CCL28: variants seen among roughly 807,000 people sequenced by gnomAD.
The protein encoded by CCL28 is C-C motif chemokine ligand 28.
CCL28 carries 4 observed loss-of-function variants against 7.1 expected under a neutral mutation model. That is an observed-to-expected ratio of 0.56 (90% CI 0.28 to 1.29). CCL28 has a LOEUF of 1.29. Among genes scored for constraint, CCL28 ranks in the 50% most tolerant of loss-of-function variants. The pLI, the probability that CCL28 is intolerant of heterozygous loss-of-function variation, is 0.11. For missense variants in CCL28, 151 were observed against 163.4 expected, an observed-to-expected ratio of 0.92 and a Z score of 0.41; for synonymous variants, 55 against 57.8, an observed-to-expected ratio of 0.95 and a Z score of 0.22.
chr5:43,372,173 G>A (rs922492027), downstream of CCL28, among the ~76,000 whole-genome samples: 1 of 152,114 alleles, frequency 6.6e-6, no homozygotes, highest in African/African-American at 2.4e-5. Context: ...CAATATTGGG[G>A]ATCTAATTTC....
At chr5:43,366,629 A>G in the CCL28 span, among the ~76,000 whole-genome samples, 1 of 152,118 alleles carries the variant, frequency 6.6e-6, no homozygotes, top group Non-Finnish European at 1.5e-5. Context: ...GGGGTCAGGG[A>G]CCCACTTGAG....
At chr5:43,358,513 T>C in the CCL28 span, among the ~76,000 whole-genome samples, 1 of 152,218 alleles carries the variant, frequency 6.6e-6, no homozygotes, top group African/African-American at 2.4e-5. Context: ...AACAACTTAG[T>C]TTCCGTTTGG....
chr5:43,399,312 T>C (rs1368459842), intron 1 of CCL28, among the ~76,000 whole-genome samples: 4 of 151,556 alleles, frequency 2.6e-5, no homozygotes, highest in Non-Finnish European at 5.9e-5. Context: ...AGGACCTTAT[T>C]AATTGACTTC....
At chr5:43,378,862 G>A (rs1313976847), downstream of CCL28, among the ~76,000 whole-genome samples, 1 of 152,100 alleles carries the variant, frequency 6.6e-6, no homozygotes, top group African/African-American at 2.4e-5. Context: ...TTGGGAGGCT[G>A]AGGCAAGGGA....
the CCL28 span, among the ~76,000 whole-genome samples, chr5:43,357,940 G>C: frequency 2.6e-5 from 4 of 152,198 alleles, no homozygotes; most frequent in Non-Finnish European, 5.9e-5. Context: ...TGTCCCAGCT[G>C]TGCTCAGGGA....
chr5:43,405,704 A>G (rs1741247080), intron 1 of CCL28, among the ~76,000 whole-genome samples: 1 of 152,254 alleles, frequency 6.6e-6, no homozygotes. Flanking sequence ...CAATGAATCC[A>G]GGAGCTGGTT....
chr5:43,372,503 G>A (rs1739802593), downstream of CCL28, among the ~76,000 whole-genome samples: 1 of 151,902 alleles, frequency 6.6e-6, no homozygotes, highest in South Asian at 2.1e-4. Context: ...TGATTAGTTG[G>A]GATTACAGGT....
At chr5:43,384,808 A>G (rs970693591) in intron 2 of CCL28, among the ~76,000 whole-genome samples, 5 of 152,174 alleles carry the variant, frequency 3.3e-5, no homozygotes, top group Non-Finnish European at 7.4e-5. Flanking sequence ...AAAACTACTC[A>G]AGCCTTCCAG....
chr5:43,378,985 TA>T (rs200056053), downstream of CCL28, among the ~76,000 whole-genome samples: 1,223 of 151,782 alleles, frequency 8.1e-3, 21 homozygotes, highest in African/African-American at 0.027. Flanking sequence ...AAAATAAAAA[TA>T]AAAAAAATCT....
the CCL28 span, among the ~76,000 whole-genome samples, chr5:43,370,743 TC>T: frequency 0.13 from 5,735 of 43,070 alleles, 222 homozygotes; most frequent in African/African-American, 0.31. Flanking sequence ...TCTTTCTCTC[TC>T]TTTTTTTTTT....
At chr5:43,400,409 C>G (rs1304972665) in intron 1 of CCL28, among the ~76,000 whole-genome samples, 1 of 152,132 alleles carries the variant, frequency 6.6e-6, no homozygotes, top group Non-Finnish European at 1.5e-5. Flanking sequence ...AGGTCTCGAA[C>G]TCCTGGACTC....
At chr5:43,392,457 C>T (rs1457132837) in intron 1 of CCL28, among the ~76,000 whole-genome samples, 2 of 152,134 alleles carry the variant, frequency 1.3e-5, no homozygotes, top group Admixed American at 1.3e-4. Flanking sequence ...GATGTTGATA[C>T]TGCTAGTCCT....
chr5:43,366,318 T>C, the CCL28 span, among the ~76,000 whole-genome samples: 1 of 152,364 alleles, frequency 6.6e-6, no homozygotes, highest in East Asian at 1.9e-4. Flanking sequence ...ACCTTTGGTC[T>C]TTGATGTTGG....
the CCL28 span, among the ~76,000 whole-genome samples, chr5:43,367,460 C>T: frequency 6.6e-6 from 1 of 152,206 alleles, no homozygotes; most frequent in African/African-American, 2.4e-5. Flanking sequence ...GCCACAGTCC[C>T]TCACGGCTTC....
chr5:43,409,104 T>C (rs1413063261), intron 1 of CCL28, among the ~76,000 whole-genome samples: 1 of 152,068 alleles, frequency 6.6e-6, no homozygotes, highest in Admixed American at 6.6e-5. Context: ...ATAGTGAGAC[T>C]CTATCTCTAC....
Position 43,380,120 on chromosome 5 carries a change from CA to C in CCL28, c.*1739del, listed in dbSNP as rs573407869. The C allele has an allele frequency of 4.0e-5, 6 of 148,320 alleles. No homozygotes were observed. Among genetic ancestry groups the C allele is most frequent in the Non-Finnish European group, 7.5e-5 (5 of 66,948 alleles). The allele number at this position is 148,320 out of a possible 1,614,324, so 9.2% of individuals were successfully genotyped here. A position where few individuals can be genotyped will look rare whatever the true frequency, so the allele number is the denominator to read the frequency against. Reference sequence around the variant, plus strand: ...TGGGCAACAGAGTGAGACTCTGTCTCAAAAAAAAACAACCAAACAACAACAA... The same window carrying C: ...TGGGCAACAGAGTGAGACTCTGTCTCAAAAAAAACAACCAAACAACAACAA... On this transcript the variant is annotated 3_prime_UTR_variant, in exon 3 of 3. Transcript: ENST00000361115.
At chr5:43,378,508 AAACTT>A (rs1311137887), downstream of CCL28, among the ~76,000 whole-genome samples, 3 of 152,240 alleles carry the variant, frequency 2.0e-5, no homozygotes, top group Non-Finnish European at 4.4e-5. Context: ...TTCAAAAAGA[AAACTT>A]AAAGGATTAA....
At chr5:43,395,368 T>C (rs1740755375) in intron 1 of CCL28, among the ~76,000 whole-genome samples, 1 of 152,132 alleles carries the variant, frequency 6.6e-6, no homozygotes, top group African/African-American at 2.4e-5. Flanking sequence ...TGAAGGTTCC[T>C]GTGCAAAGTA....
intron 1 of CCL28, among the ~76,000 whole-genome samples, chr5:43,411,113 C>T (rs1741519813): frequency 6.6e-6 from 1 of 152,166 alleles, no homozygotes; most frequent in Non-Finnish European, 1.5e-5. Context: ...CATCTGATTT[C>T]TCAAGAGAAG....
Sources: allele counts gnomAD v4.1 joint callset (sites outside exome capture counted in the v4.1 genomes callset), GRCh38; gene constraint gnomAD v4.1.1; transcripts MANE v1.5; gene names NCBI Gene and HGNC (gene_info 2026-07-23, HGNC 2026-07-21).